Variants in SRPX2 observed in about 807,000 individuals in gnomAD.
The protein encoded by SRPX2 is sushi repeat containing protein X-linked 2, also known as sushi repeat-containing protein SRPX2.
SRPX2 carries 26 observed loss-of-function variants against 45.3 expected under a neutral mutation model. That is an observed-to-expected ratio of 0.57 (90% CI 0.42 to 0.80). The LOEUF is 0.80. Ranked by LOEUF, SRPX2 falls within the 30% of genes least tolerant of loss-of-function variation. The pLI is 0.00. For synonymous variants in SRPX2, 125 were observed against 143.7 expected (o/e 0.87, Z 0.93); for missense variants, 355 against 399.8 (o/e 0.89, Z 0.95).
chrX:100,651,449 T>C lies in SRPX2; in HGVS notation c.163+584T>C, dbSNP rs140811464. On this transcript the variant is annotated intron_variant, in intron 3 of 10. Coordinates refer to ENST00000373004, the MANE Select transcript of SRPX2 (RefSeq NM_014467.3). ...GGGAGCTAAGAAGAAACCAGCCTGA[T>C]TGGAGGAAATGGAATATGGAGGGAG... 3.4e-4 allele frequency among the ~76,000 whole-genome samples: 37 copies of C among 110,220 alleles called. No homozygotes were observed. In the East Asian group the frequency reaches 0.01, roughly 30 times the overall value.
chrX:100,653,724 T>C (rs1283248558), intron 3 of SRPX2, among the ~76,000 whole-genome samples: 1 of 112,174 alleles, frequency 8.9e-6, no homozygotes, highest in Non-Finnish European at 1.9e-5. Context: ...GAATACTTAT[T>C]AGGTACCTCT....
At chrX:100,668,854 G>T (rs1416200023) in intron 9 of SRPX2, among the ~76,000 whole-genome samples, 1 of 112,098 alleles carries the variant, frequency 8.9e-6, no homozygotes, top group East Asian at 2.8e-4. Flanking sequence ...GTGTTGTGAA[G>T]ATTAGATTAT....
intron 5 of SRPX2, 93 bp from the exon 6 acceptor site, chrX:100,665,150 A>G: frequency 8.6e-7 from 1 of 1,157,599 alleles, no homozygotes; most frequent in Admixed American, 2.4e-5. Context: ...TGAACTTTTT[A>G]TCTACCCAGT....
At chrX:100,659,585 TTC>T (rs1406633899) in intron 3 of SRPX2, among the ~76,000 whole-genome samples, 50 of 111,107 alleles carry the variant, frequency 4.5e-4, no homozygotes, top group African/African-American at 1.6e-3. Flanking sequence ...TTAAAAGACT[TTC>T]TGTAATTTGG....
At chrX:100,668,090 C>T (rs986610381) in intron 9 of SRPX2, among the ~76,000 whole-genome samples, 6 of 110,894 alleles carry the variant, frequency 5.4e-5, no homozygotes, top group African/African-American at 2.0e-4. Flanking sequence ...GCCAAAGCCA[C>T]TGGTAGGGAG....
At chrX:100,669,207 C>T (rs765496566) in intron 9 of SRPX2, 41 bp from the exon 10 acceptor site, 87 of 1,207,429 alleles carry the variant, frequency 7.2e-5, no homozygotes, top group South Asian at 5.1e-4. Flanking sequence ...TAGGTTTGAA[C>T]GCACAGCTCT....
At chrX:100,650,398 A>G (rs1456710088) in intron 2 of SRPX2, 1 of 200,479 alleles carries the variant, frequency 5.0e-6, no homozygotes, top group Non-Finnish European at 9.2e-6. Flanking sequence ...ATCAGGGACC[A>G]CAGTCCATTC....
Position 100,671,038 on chromosome X carries a change from T to A in SRPX2, c.*51T>A. ...CAAGGGAAAAGCTCCTCTAGTTAGC[T>A]GAAACTGGGACCTAATAAAAGGAGG... On this transcript the variant is annotated 3_prime_UTR_variant, in exon 11 of 11. Transcript: ENST00000373004. 8.8e-7 allele frequency: 1 copy of A among 1,137,082 alleles called. No homozygotes were observed. The highest frequency in any genetic ancestry group is 1.2e-6 in the Non-Finnish European group (1 of 841,197). The allele number at this position is 1,137,082 out of a possible 1,213,427, so 93.7% of individuals were successfully genotyped here. A position where few individuals can be genotyped will look rare whatever the true frequency, so the allele number is the denominator to read the frequency against.
In SRPX2 at chrX:100,665,378, G is replaced by A. The variant is rs934496599; in HGVS notation, c.659+9G>A. 2.5e-6 allele frequency: 3 copies of A among 1,209,207 alleles called. No individual in the cohort carries two copies. Among genetic ancestry groups the A allele is most frequent in the Non-Finnish European group, 3.4e-6 (3 of 894,029 alleles). ...GATGGTACCATCACCAGGTGAGCCT[G>A]AATAATGGATGCCCCTTATGCCTTC... On this transcript the variant is annotated intron_variant, in intron 6 of 10. Transcript: ENST00000373004.
At chrX:100,658,898 C>T (rs1304584955) in intron 3 of SRPX2, among the ~76,000 whole-genome samples, 1 of 111,840 alleles carries the variant, frequency 8.9e-6, no homozygotes, top group African/African-American at 3.3e-5. Context: ...TAACCACATC[C>T]TCGTTTCAGT....
In SRPX2 at chrX:100,672,570, CAG is replaced by C. The variant is rs1331585696; in HGVS notation, c.*1586_*1587del. 3 of 112,459 alleles carry C rather than the reference CAG, an allele frequency of 2.7e-5. No homozygotes were observed. The highest frequency in any genetic ancestry group is 5.6e-5 in the Non-Finnish European group (3 of 53,333). The allele number at this position is 112,459 out of a possible 1,213,427, so 9.3% of individuals were successfully genotyped here. A position where few individuals can be genotyped will look rare whatever the true frequency, so the allele number is the denominator to read the frequency against. On this transcript the variant is annotated 3_prime_UTR_variant, in exon 11 of 11. Transcript: ENST00000373004. The stretch of plus-strand genomic sequence containing the variant: ...CTAAGATCAGACAGCTAGTAAGTGG[CAG>C]AGTCAGGATTTCAACACCAGCAGCC...
intron 3 of SRPX2, among the ~76,000 whole-genome samples, chrX:100,658,004 T>C (rs904184301): frequency 1.8e-5 from 2 of 112,453 alleles, no homozygotes; most frequent in African/African-American, 6.5e-5. Flanking sequence ...ATACTGGACA[T>C]TATTAGTCCC....
intron 3 of SRPX2, among the ~76,000 whole-genome samples, chrX:100,654,126 G>A (rs1424514302): frequency 8.9e-6 from 1 of 112,060 alleles, no homozygotes; most frequent in Non-Finnish European, 1.9e-5. Context: ...TACTTTCATG[G>A]AGTCTGCAGC....
chrX:100,670,545 C>A (rs765627427), intron 10 of SRPX2, among the ~76,000 whole-genome samples: 3 of 111,674 alleles, frequency 2.7e-5, no homozygotes, highest in African/African-American at 9.8e-5. Flanking sequence ...ATGAAAGCAC[C>A]GCCTGTTAAT....
intron 2 of SRPX2, among the ~76,000 whole-genome samples, chrX:100,650,442 C>T (rs1414543642): frequency 2.7e-5 from 3 of 111,890 alleles, no homozygotes; most frequent in African/African-American, 9.8e-5. Context: ...TACCAAGACT[C>T]ATGTGTTGCT....
rs748808231 is a variant in SRPX2 at position 100,661,731 on chromosome X, C to G, written c.164-445C>G. Among the ~76,000 whole-genome samples, 5 of 112,137 alleles carry G rather than the reference C, an allele frequency of 4.5e-5. No individual in the cohort carries two copies. The South Asian group carries it at 1.9e-3, about 42-fold the overall frequency. Reference sequence around the variant, plus strand: ...CTTGCAGTGAGCTGAGATTACGCCACTGCACTCCAGCCTGGGCGAGAGTGA... The same window carrying G: ...CTTGCAGTGAGCTGAGATTACGCCAGTGCACTCCAGCCTGGGCGAGAGTGA... On this transcript the variant is annotated intron_variant, in intron 3 of 10. Transcript: ENST00000373004.
Position 100,672,114 on chromosome X carries a change from G to T in SRPX2, c.*1127G>T, listed in dbSNP as rs187705133. ...CTTTTGAGAGATGAGCACAGAGCAG[G>T]TGGGAGCTATAGCAGCACAAAATCA... On this transcript the variant is annotated 3_prime_UTR_variant, in exon 11 of 11. Coordinates refer to ENST00000373004, the MANE Select transcript of SRPX2 (RefSeq NM_014467.3). The T allele has an allele frequency of 8.9e-6, 1 of 112,657 alleles. No homozygotes were observed. Among genetic ancestry groups the T allele is most frequent in the Admixed American group, 9.3e-5 (1 of 10,722 alleles). The allele number at this position is 112,657 out of a possible 1,213,427, so 9.3% of individuals were successfully genotyped here. A position where few individuals can be genotyped will look rare whatever the true frequency, so the allele number is the denominator to read the frequency against.
intron 6 of SRPX2, 50 bp from the exon 7 acceptor site, chrX:100,665,486 A>G: frequency 8.3e-7 from 1 of 1,210,473 alleles, no homozygotes; most frequent in Non-Finnish European, 1.1e-6. Flanking sequence ...CTCAGACTTC[A>G]ATTCTAAGGG....
intron 8 of SRPX2, 112 bp downstream of exon 8, chrX:100,667,045 G>A (rs374248347): frequency 1.1e-5 from 11 of 1,043,409 alleles, no homozygotes; most frequent in African/African-American, 1.9e-5. Flanking sequence ...GGAAAGGGGG[G>A]TTCTGGGATG....
Sources: gnomAD v4.1 joint callset for allele counts (sites outside exome capture counted in the v4.1 genomes callset) on GRCh38, gnomAD v4.1.1 for gene constraint, MANE v1.5 for transcripts, NCBI Gene and HGNC (gene_info 2026-07-23, HGNC 2026-07-21) for gene names.